COLEC12: variants seen among roughly 807,000 people sequenced by gnomAD.
COLEC12 encodes the protein collectin subfamily member 12, also known as collectin-12.
In COLEC12, 33 loss-of-function variants were observed where a neutral mutation model predicts 71.1. The observed-to-expected ratio is 0.46, with a 90% CI of 0.35 to 0.62. The LOEUF is 0.62. Among genes scored for constraint, COLEC12 ranks in the 20% least tolerant of loss-of-function variants. COLEC12 has a pLI of 0.00. For synonymous variants in COLEC12, 350 were observed against 353.0 expected (o/e 0.99, Z 0.10); for missense variants, 765 against 916.1 (o/e 0.84, Z 2.13).
At chr18:484,590 G>A (rs1174288800) in intron 1 of COLEC12, among the ~76,000 whole-genome samples, 1 of 152,022 alleles carries the variant, frequency 6.6e-6, no homozygotes, top group East Asian at 1.9e-4. Context: ...TTTGTTTTTT[G>A]GGGGCGAGGA....
intron 1 of COLEC12, among the ~76,000 whole-genome samples, chr18:488,165 C>G (rs1015198150): frequency 3.3e-5 from 5 of 151,988 alleles, no homozygotes; most frequent in Non-Finnish European, 7.4e-5. Context: ...AATCCCAGCA[C>G]TTTGGGAGGC....
intron 2 of COLEC12, among the ~76,000 whole-genome samples, chr18:460,151 C>G (rs554562635): frequency 2.6e-5 from 4 of 152,238 alleles, no homozygotes; most frequent in African/African-American, 9.6e-5. Context: ...TGACAAGAGA[C>G]TTCATTCAAA....
intron 2 of COLEC12, among the ~76,000 whole-genome samples, chr18:427,609 A>T (rs1473147954): frequency 2.6e-5 from 4 of 152,134 alleles, no homozygotes; most frequent in Non-Finnish European, 4.4e-5. Flanking sequence ...GGGACTAAAA[A>T]ATCTGAGGCT....
chr18:414,851 T>A (rs1915957875), intron 2 of COLEC12, among the ~76,000 whole-genome samples: 1 of 152,210 alleles, frequency 6.6e-6, no homozygotes, highest in African/African-American at 2.4e-5. Context: ...AACTGCTGAT[T>A]AAGGTCCAGT....
intron 2 of COLEC12, among the ~76,000 whole-genome samples, chr18:388,125 C>CA (rs1915386021): frequency 6.6e-6 from 1 of 152,120 alleles, no homozygotes; most frequent in African/African-American, 2.4e-5. Context: ...AAAACAGCCC[C>CA]AACTAGACAG....
intron 2 of COLEC12, among the ~76,000 whole-genome samples, chr18:379,065 G>T (rs1008317770): frequency 1.3e-5 from 2 of 152,162 alleles, no homozygotes; most frequent in African/African-American, 4.8e-5. Flanking sequence ...GTCGACTAAG[G>T]CTGGAGGGAT....
At chr18:463,205 G>A (rs575945916) in intron 2 of COLEC12, among the ~76,000 whole-genome samples, 4 of 152,242 alleles carry the variant, frequency 2.6e-5, no homozygotes, top group Non-Finnish European at 5.9e-5. Flanking sequence ...ACTTACCCTT[G>A]GCAAAGTAGT....
intron 1 of COLEC12, among the ~76,000 whole-genome samples, chr18:498,449 T>C (rs1917755952): frequency 6.6e-6 from 1 of 151,090 alleles, no homozygotes; most frequent in Admixed American, 6.6e-5. Flanking sequence ...AACCTCCATC[T>C]CCTGGGTTCA....
chr18:440,915 G>A lies in COLEC12; in HGVS notation c.58+39792C>T, dbSNP rs1286023106. Among the ~76,000 whole-genome samples, 13 of 152,058 alleles carry A rather than the reference G, an allele frequency of 8.5e-5. 1 individual carries two copies. The highest frequency in any genetic ancestry group is 1.5e-4 in the Non-Finnish European group (10 of 68,000). Reference sequence around the variant, plus strand: ...GATTTGGGGAAATGTCATGTTAGACGGAGATATAAATAGGCTCCCTACAGC... The same window carrying A: ...GATTTGGGGAAATGTCATGTTAGACAGAGATATAAATAGGCTCCCTACAGC... On this transcript the variant is annotated intron_variant, in intron 2 of 9. Coordinates refer to ENST00000400256, the MANE Select transcript of COLEC12 (RefSeq NM_130386.3).
At position 480,854 on chromosome 18, in the gene COLEC12, A is replaced by C; in HGVS notation, c.8-97T>G. 1 of 1,056,232 alleles carries C rather than the reference A, an allele frequency of 9.5e-7. No homozygotes were observed. The highest frequency in any genetic ancestry group is 2.4e-5 in the East Asian group (1 of 42,410). 65.4% of individuals were successfully genotyped at this position (1,056,232 alleles called of 1,614,324 possible). On this transcript the variant is annotated intron_variant, in intron 1 of 9. Coordinates refer to ENST00000400256, the MANE Select transcript of COLEC12 (RefSeq NM_130386.3). The surrounding 1 kb of genome is among the most constrained non-coding windows in gnomAD (Gnocchi z 4.1). ...ACCTGCTTCATCGCCCCTGCTTGTC[A>C]CAGCAGCTTTCCTTCTGCTCGTGGA...
chr18:451,045 A>G (rs141612654), intron 2 of COLEC12, among the ~76,000 whole-genome samples: 1 of 152,242 alleles, frequency 6.6e-6, no homozygotes, highest in Non-Finnish European at 1.5e-5. Context: ...AAAACATTCA[A>G]GATGTGGCTT....
chr18:495,318 G>T (rs928323090), intron 1 of COLEC12, among the ~76,000 whole-genome samples: 3 of 152,176 alleles, frequency 2.0e-5, no homozygotes, highest in African/African-American at 7.2e-5. Flanking sequence ...CCTGTTCCTG[G>T]TTTAAAATAC....
chr18:447,210 T>C (rs1916670560), intron 2 of COLEC12, among the ~76,000 whole-genome samples: 1 of 152,252 alleles, frequency 6.6e-6, no homozygotes, highest in African/African-American at 2.4e-5. Flanking sequence ...AAAAATAGTA[T>C]CTTCCAGTAA....
At chr18:378,994 G>A (rs769757428) in intron 2 of COLEC12, among the ~76,000 whole-genome samples, 9 of 152,168 alleles carry the variant, frequency 5.9e-5, no homozygotes, top group Non-Finnish European at 8.8e-5. Flanking sequence ...GAGCCACGCC[G>A]GTGGAAATGC....
chr18:435,159 A>G (rs1315043425), intron 2 of COLEC12, among the ~76,000 whole-genome samples: 1 of 152,228 alleles, frequency 6.6e-6, no homozygotes, highest in African/African-American at 2.4e-5. Flanking sequence ...ATTAATATTC[A>G]CAAAAATGTA....
intron 2 of COLEC12, among the ~76,000 whole-genome samples, chr18:423,162 G>T (rs1916131317): frequency 1.3e-5 from 2 of 152,114 alleles, no homozygotes; most frequent in Admixed American, 1.3e-4. Context: ...CTAGCTCCTT[G>T]GGAAGATGAG....
intron 1 of COLEC12, among the ~76,000 whole-genome samples, chr18:490,867 T>C (rs999405042): frequency 6.6e-6 from 1 of 152,256 alleles, no homozygotes; most frequent in Non-Finnish European, 1.5e-5. Flanking sequence ...GGACAGGGAC[T>C]AGGCTGAAGT....
At chr18:406,540 A>AAAAAAAAAAG (rs1915793417) in intron 2 of COLEC12, among the ~76,000 whole-genome samples, 1 of 145,918 alleles carries the variant, frequency 6.9e-6, no homozygotes, top group African/African-American at 2.5e-5. Context: ...AAAAAAAAAA[A>AAAAAAAAAAG]GGGCAACCAG....
At chr18:351,927 AC>A (rs1441947305) in intron 3 of COLEC12, among the ~76,000 whole-genome samples, 12 of 152,158 alleles carry the variant, frequency 7.9e-5, no homozygotes, top group Non-Finnish European at 1.2e-4. Flanking sequence ...TGATCTGCCC[AC>A]CTTGGCCTCC....
Sources: gnomAD v4.1 joint callset for allele counts (sites outside exome capture counted in the v4.1 genomes callset) on GRCh38, gnomAD v4.1.1 for gene constraint, Gnocchi (gnomAD v3.1) non-coding constraint, MANE v1.5 for transcripts, NCBI Gene and HGNC (gene_info 2026-07-23, HGNC 2026-07-21) for gene names.